KCNT2: variants seen among roughly 807,000 people sequenced by gnomAD.
KCNT2 encodes the protein potassium sodium-activated channel subfamily T member 2.
KCNT2 carries 67 observed loss-of-function variants against 153.8 expected under a neutral mutation model. That is an observed-to-expected ratio of 0.44 (90% CI 0.36 to 0.53). KCNT2 has a LOEUF of 0.53. Among genes scored for constraint, KCNT2 ranks in the 20% least tolerant of loss-of-function variants. The pLI, the probability that KCNT2 is intolerant of heterozygous loss-of-function variation, is 0.00. For synonymous variants in KCNT2, 500 were observed against 458.8 expected (o/e 1.09, Z -1.15); for missense variants, 975 against 1,354.8 (o/e 0.72, Z 4.40).
At chr1:196,453,766 T>A (rs1398639223) in intron 8 of KCNT2, among the ~76,000 whole-genome samples, 1 of 151,948 alleles carries the variant, frequency 6.6e-6, no homozygotes, top group African/African-American at 2.4e-5. Flanking sequence ...TTCCCTATAG[T>A]TTTTATCGGT....
intron 27 of KCNT2, among the ~76,000 whole-genome samples, chr1:196,235,291 C>A (rs575806898): frequency 1.1e-4 from 17 of 151,294 alleles, no homozygotes; most frequent in Admixed American, 2.6e-4. Flanking sequence ...TTCTATCTAC[C>A]CTTCAGAGTC....
At chr1:196,293,464 C>G (rs144807716) in intron 22 of KCNT2, among the ~76,000 whole-genome samples, 253 of 152,054 alleles carry the variant, frequency 1.7e-3, no homozygotes, top group African/African-American at 5.4e-3. Flanking sequence ...GAAGATTGAC[C>G]AATAGAACAG....
rs1334458967 is a variant in KCNT2 at position 196,228,047 on chromosome 1, GA to G, written c.*176del. On this transcript the variant is annotated 3_prime_UTR_variant, in exon 28 of 28. Coordinates refer to ENST00000294725, the MANE Select transcript of KCNT2 (RefSeq NM_198503.5). The stretch of plus-strand genomic sequence containing the variant: ...GAGGTCCTTCAAATATTAATAGGGA[GA>G]GTACCAGTAAGTAGTACATTAAGTT... 8.1e-5 allele frequency: 37 copies of G among 454,930 alleles called. 1 individual carries two copies. The South Asian group carries it at 8.7e-4, about 11-fold the overall frequency. The allele number at this position is 454,930 out of a possible 1,614,324, so 28.2% of individuals were successfully genotyped here.
intron 25 of KCNT2, among the ~76,000 whole-genome samples, chr1:196,271,463 G>T (rs1323082352): frequency 6.6e-6 from 1 of 151,994 alleles, no homozygotes; most frequent in Middle Eastern, 3.2e-3. Flanking sequence ...TGACTACGTA[G>T]TTAAATTAAG....
At chr1:196,482,939 G>A (rs1048061518) in intron 3 of KCNT2, among the ~76,000 whole-genome samples, 1 of 152,132 alleles carries the variant, frequency 6.6e-6, no homozygotes, top group East Asian at 1.9e-4. Flanking sequence ...ATTTTCTGAT[G>A]ATAAAAAGGC....
chr1:196,305,432 G>C (rs1235447314), intron 21 of KCNT2, 87 bp from the exon 22 acceptor site: 1 of 715,478 alleles, frequency 1.4e-6, no homozygotes, highest in African/African-American at 1.8e-5. Flanking sequence ...GTGATTCCTA[G>C]CCTTGGGCAT....
intron 22 of KCNT2, 103 bp from the exon 23 acceptor site, chr1:196,285,861 G>A: frequency 2.9e-6 from 2 of 678,580 alleles, no homozygotes; most frequent in Non-Finnish European, 5.4e-6. Context: ...CTCATCATAT[G>A]GTTCTTAGCT....
intron 21 of KCNT2, among the ~76,000 whole-genome samples, chr1:196,309,523 A>G (rs1254975626): frequency 1.3e-5 from 2 of 151,922 alleles, no homozygotes; most frequent in African/African-American, 2.4e-5. Flanking sequence ...TCTGTTCTAC[A>G]TAAATGAACC....
chr1:196,557,221 G>A (rs1423962113), intron 1 of KCNT2, among the ~76,000 whole-genome samples: 4 of 151,216 alleles, frequency 2.6e-5, no homozygotes, highest in Non-Finnish European at 5.9e-5. Flanking sequence ...TATGCATCAT[G>A]TACCTGTACG....
chr1:196,350,940 G>T (rs1328997153), intron 14 of KCNT2, among the ~76,000 whole-genome samples: 1 of 152,110 alleles, frequency 6.6e-6, no homozygotes, highest in Non-Finnish European at 1.5e-5. Context: ...AGTTTTCCCA[G>T]CACCATTTAT....
chr1:196,606,782 A>C (rs1400059581), intron 1 of KCNT2, among the ~76,000 whole-genome samples: 3 of 152,178 alleles, frequency 2.0e-5, no homozygotes, highest in Non-Finnish European at 2.9e-5. Context: ...TCCTGAACTA[A>C]ATATACATTC....
intron 1 of KCNT2, among the ~76,000 whole-genome samples, chr1:196,543,380 C>A (rs1049707669): frequency 1.3e-5 from 2 of 152,046 alleles, no homozygotes; most frequent in Non-Finnish European, 2.9e-5. Context: ...TATTATTAAT[C>A]TGAAGTCTCT....
Position 196,465,315 on chromosome 1 carries a change from A to T in KCNT2, c.616T>A (p.Leu206Ile). ...TACCAGGTGAAGATAAGGCATAGTA[A>T]TGTAGATATTAAAATCAAAACTTGA... ...FNQVLILIST[L>I]LCLIFTCICG... The change falls in exon 8 of 28, where the codon TTA becomes ATA. Residue 206 changes from leucine (L) to isoleucine (I), a missense_variant. Transcript: ENST00000294725. 1 of 1,583,936 alleles carries T rather than the reference A, an allele frequency of 6.3e-7. No individual in the cohort carries two copies. The highest frequency in any genetic ancestry group is 8.7e-7 in the Non-Finnish European group (1 of 1,153,188).
At chr1:196,252,893 G>T (rs946355517) in intron 26 of KCNT2, among the ~76,000 whole-genome samples, 5 of 150,184 alleles carry the variant, frequency 3.3e-5, no homozygotes, top group Non-Finnish European at 7.4e-5. Context: ...TTTTTGTTTT[G>T]TAAAGTTTCT....
intron 26 of KCNT2, among the ~76,000 whole-genome samples, chr1:196,246,186 T>C (rs1225586748): frequency 6.6e-6 from 1 of 152,160 alleles, no homozygotes; most frequent in African/African-American, 2.4e-5. Context: ...GACAGTGGCA[T>C]TATGTATTTA....
chr1:196,521,428 C>A (rs1653382645), intron 1 of KCNT2, among the ~76,000 whole-genome samples: 1 of 152,086 alleles, frequency 6.6e-6, no homozygotes, highest in African/African-American at 2.4e-5. Context: ...ACCATTTGAC[C>A]CAACAATCCC....
At chr1:196,316,105 C>A (rs1662689780) in intron 20 of KCNT2, 79 bp from the exon 21 acceptor site, 1 of 1,291,120 alleles carries the variant, frequency 7.7e-7, no homozygotes, top group Non-Finnish European at 1.1e-6. Flanking sequence ...CTAGCACTAT[C>A]CCCTGTGCTT....
intron 22 of KCNT2, among the ~76,000 whole-genome samples, chr1:196,286,894 A>G (rs1166490876): frequency 1.3e-5 from 2 of 152,098 alleles, no homozygotes; most frequent in East Asian, 1.9e-4. Flanking sequence ...AATTCCCTTT[A>G]CTAGGAAGAC....
At chr1:196,601,977 A>G (rs1265478253) in intron 1 of KCNT2, among the ~76,000 whole-genome samples, 1 of 152,144 alleles carries the variant, frequency 6.6e-6, no homozygotes, top group Non-Finnish European at 1.5e-5. Context: ...CTTAAATTAC[A>G]ATTCAATTGC....
Sources: allele counts gnomAD v4.1 joint callset (sites outside exome capture counted in the v4.1 genomes callset), GRCh38; gene constraint gnomAD v4.1.1; transcripts MANE v1.5; gene names NCBI Gene and HGNC (gene_info 2026-07-23, HGNC 2026-07-21).